Variants in ELMO1 observed in about 807,000 individuals in gnomAD.
The protein encoded by ELMO1 is engulfment and cell motility 1, also known as engulfment and cell motility protein 1.
In ELMO1, 26 loss-of-function variants were observed where a neutral mutation model predicts 98.9. That is an observed-to-expected ratio of 0.26 (90% CI 0.19 to 0.36). The LOEUF (loss-of-function observed/expected upper bound fraction) is 0.36, where lower values mean the gene tolerates loss of function less well. Ranked by LOEUF, ELMO1 falls within the 10% of genes least tolerant of loss-of-function variation. The pLI, the probability that ELMO1 is intolerant of heterozygous loss-of-function variation, is 1.00. For missense variants in ELMO1, 627 were observed against 935.2 expected (o/e 0.67, Z 4.30); for synonymous variants, 346 against 346.0 (o/e 1.00, Z 0.00).
intron 15 of ELMO1, among the ~76,000 whole-genome samples, chr7:37,073,375 T>A (rs1376591163): frequency 6.6e-6 from 1 of 152,146 alleles, no homozygotes; most frequent in Non-Finnish European, 1.5e-5. Flanking sequence ...ACACATGTAT[T>A]TATGCAGATA....
intron 2 of ELMO1, among the ~76,000 whole-genome samples, chr7:37,330,124 C>G (rs537569146): frequency 1.3e-5 from 2 of 152,358 alleles, no homozygotes; most frequent in African/African-American, 4.8e-5. Flanking sequence ...AGCCCCTGTT[C>G]TTTCTCACTG....
At chr7:37,033,298 C>T (rs1794982335) in intron 15 of ELMO1, 1 of 439,608 alleles carries the variant, frequency 2.3e-6, no homozygotes, top group Non-Finnish European at 4.6e-6. Flanking sequence ...GCAGTGAGCT[C>T]TGCCTATGCT....
chr7:37,140,630 T>C (rs1251442658), intron 13 of ELMO1, among the ~76,000 whole-genome samples: 1 of 152,178 alleles, frequency 6.6e-6, no homozygotes, highest in Admixed American at 6.5e-5. Context: ...TCACAATCTA[T>C]ACATCTGACC....
At chr7:37,075,651 C>T (rs1797535499) in intron 15 of ELMO1, among the ~76,000 whole-genome samples, 1 of 152,044 alleles carries the variant, frequency 6.6e-6, no homozygotes, top group Non-Finnish European at 1.5e-5. Context: ...CTTATATGCA[C>T]ATAGGAAATG....
At chr7:37,356,086 TCTCTCTGAC>T in intron 1 of ELMO1, among the ~76,000 whole-genome samples, 1 of 152,222 alleles carries the variant, frequency 6.6e-6, no homozygotes, top group South Asian at 2.1e-4. Flanking sequence ...AGAACCAAGG[TCTCTCTGAC>T]CTCTACTGCT....
chr7:37,308,347 T>C (rs144653066), intron 4 of ELMO1, among the ~76,000 whole-genome samples: 1 of 152,234 alleles, frequency 6.6e-6, no homozygotes, highest in African/African-American at 2.4e-5. Flanking sequence ...AAGATGACCT[T>C]AAAAAGCCTT....
intron 15 of ELMO1, among the ~76,000 whole-genome samples, chr7:37,050,549 G>C (rs1796044730): frequency 6.6e-6 from 1 of 150,582 alleles, no homozygotes; most frequent in Non-Finnish European, 1.5e-5. Context: ...GGAGACTACT[G>C]TCAATAGTAT....
chr7:37,142,575 T>C lies in ELMO1; in HGVS notation c.1087-9341A>G, dbSNP rs183805488. Among the ~76,000 whole-genome samples the C allele has an allele frequency of 7.9e-5, 12 of 152,350 alleles. No homozygotes were observed. The East Asian group carries it at 1.2e-3, about 15-fold the overall frequency. ...TATGTTTTGTTCCTACTTTTTTCCT[T>C]ACCACCAGTTTAGAAGTTGAATGCG... is the stretch of plus-strand genomic sequence containing the variant. On this transcript the variant is annotated intron_variant, in intron 13 of 21. Transcript: ENST00000310758.
chr7:36,874,296 A>G, intron 19 of ELMO1, among the ~76,000 whole-genome samples: 1 of 152,230 alleles, frequency 6.6e-6, no homozygotes. Flanking sequence ...AATCTAGGCC[A>G]TGGAGTTAGA....
intron 1 of ELMO1, among the ~76,000 whole-genome samples, chr7:37,344,776 G>A (rs758309104): frequency 2.0e-5 from 3 of 152,284 alleles, no homozygotes; most frequent in Non-Finnish European, 2.9e-5. Flanking sequence ...TTCTCTTATT[G>A]TGAGTGAGGC....
chr7:37,040,384 T>C (rs1046756938), intron 15 of ELMO1, among the ~76,000 whole-genome samples: 47 of 152,202 alleles, frequency 3.1e-4, no homozygotes, highest in African/African-American at 1.1e-3. Context: ...TCTTGCATAA[T>C]AGGTCTTCCA....
intron 13 of ELMO1, among the ~76,000 whole-genome samples, chr7:37,203,715 G>C (rs1314212673): frequency 6.6e-6 from 1 of 152,140 alleles, no homozygotes; most frequent in Non-Finnish European, 1.5e-5. Context: ...TGTCTGGCAG[G>C]CATTAGGACC....
chr7:37,059,630 C>T (rs1796565656), intron 15 of ELMO1, among the ~76,000 whole-genome samples: 1 of 152,100 alleles, frequency 6.6e-6, no homozygotes, highest in Non-Finnish European at 1.5e-5. Flanking sequence ...ACTTTAATGG[C>T]CACTTAAGGA....
intron 13 of ELMO1, among the ~76,000 whole-genome samples, chr7:37,204,851 G>A (rs1584805862): frequency 6.6e-6 from 1 of 152,248 alleles, no homozygotes; most frequent in South Asian, 2.1e-4. Flanking sequence ...GTGCTGACTG[G>A]TGTGTTTACA....
intron 14 of ELMO1, among the ~76,000 whole-genome samples, chr7:37,102,390 T>C (rs189482354): frequency 1.3e-5 from 2 of 152,234 alleles, no homozygotes; most frequent in East Asian, 3.9e-4. Context: ...AATAGGATGG[T>C]TTTAAATGAG....
intron 16 of ELMO1, among the ~76,000 whole-genome samples, chr7:37,012,098 T>C (rs1246506846): frequency 6.6e-6 from 1 of 152,168 alleles, no homozygotes; most frequent in East Asian, 1.9e-4. Context: ...ATTCAATCGA[T>C]GACCAAGATG....
At chr7:36,984,186 A>G (rs1791319569) in intron 16 of ELMO1, among the ~76,000 whole-genome samples, 1 of 152,226 alleles carries the variant, frequency 6.6e-6, no homozygotes, top group Admixed American at 6.5e-5. Flanking sequence ...ATCGAGGTGT[A>G]CTGAGGAGTG....
intron 16 of ELMO1, among the ~76,000 whole-genome samples, chr7:36,971,978 G>C (rs958411240): frequency 6.6e-5 from 10 of 152,210 alleles, no homozygotes; most frequent in South Asian, 2.1e-4. Context: ...GGACCATGCG[G>C]GCTTTCTTTC....
At chr7:37,439,537 T>A (rs997206915) in intron 1 of ELMO1, among the ~76,000 whole-genome samples, 1 of 152,204 alleles carries the variant, frequency 6.6e-6, no homozygotes, top group Non-Finnish European at 1.5e-5. Context: ...GCATACAAAT[T>A]ACAAGCAAAG....
Sources: allele counts gnomAD v4.1 joint callset (sites outside exome capture counted in the v4.1 genomes callset), GRCh38; gene constraint gnomAD v4.1.1; transcripts MANE v1.5; gene names NCBI Gene and HGNC (gene_info 2026-07-23, HGNC 2026-07-21).